SLC26A7: variants seen among roughly 807,000 people sequenced by gnomAD.
SLC26A7 encodes the protein anion exchange transporter.
Under a neutral mutation model 82.5 loss-of-function variants are expected in SLC26A7, and 59 were observed. The observed-to-expected ratio is 0.72, with a 90% confidence interval of 0.58 to 0.89. The LOEUF (loss-of-function observed/expected upper bound fraction) is 0.89. Ranked by LOEUF, SLC26A7 falls within the 40% of genes least tolerant of loss-of-function variation. SLC26A7 has a pLI of 0.00. For missense variants in SLC26A7, 820 were observed against 793.0 expected, an observed-to-expected ratio of 1.03 and a Z score of -0.41; for synonymous variants, 271 against 274.3, an observed-to-expected ratio of 0.99 and a Z score of 0.12.
chr8:91,310,637 G>C (rs1367833026), intron 4 of SLC26A7, among the ~76,000 whole-genome samples: 1 of 152,182 alleles, frequency 6.6e-6, no homozygotes, highest in Non-Finnish European at 1.5e-5. Flanking sequence ...CAAAATGGCA[G>C]AGTTTAACTG....
rs201042056 is a variant in SLC26A7 at position 91,295,565 on chromosome 8, C to T, written c.339C>T (p.Asn113=). 155 of 1,613,748 alleles carry T rather than the reference C, an allele frequency of 9.6e-5. No homozygotes were observed. In the South Asian group the frequency reaches 1.0e-3, roughly 10 times the overall value. ...CCTTGACATCCTTAATATCAGCCAA[C>T]GCCGTGGAACGGATTGTCCCTCAGA... ...TFALTSLISA[N]AVERIVPQNM... Residue 113 remains asparagine (N), a synonymous_variant, in exon 4 of 19, where the codon AAC becomes AAT. Transcript: ENST00000276609.
chr8:91,270,383 C>T (rs986618630), intron 2 of SLC26A7, among the ~76,000 whole-genome samples: 2 of 152,162 alleles, frequency 1.3e-5, no homozygotes, highest in African/African-American at 2.4e-5. Flanking sequence ...GGAAAATTTA[C>T]TGTGATCATT....
intron 2 of SLC26A7, among the ~76,000 whole-genome samples, chr8:91,236,215 C>G (rs969025655): frequency 2.0e-5 from 3 of 152,114 alleles, no homozygotes; most frequent in Non-Finnish European, 4.4e-5. Flanking sequence ...ATAGAAACCT[C>G]TAACCTAAAT....
chr8:91,315,955 G>A (rs1162529571), intron 4 of SLC26A7, among the ~76,000 whole-genome samples: 1 of 152,106 alleles, frequency 6.6e-6, no homozygotes, highest in Non-Finnish European at 1.5e-5. Context: ...TGATAATGAG[G>A]CTTGGAGAAT....
rs1563697238 is a variant in SLC26A7 at position 91,358,051 on chromosome 8, C to T, written c.1315-4302C>T. On this transcript the variant is annotated intron_variant, in intron 11 of 18. Coordinates refer to ENST00000276609, the MANE Select transcript of SLC26A7 (RefSeq NM_052832.4). Reference sequence around the variant, plus strand: ...CCATCAGAGAAATACAAATCAAAACCACAATGAGATATCATCTCCCACCAG... The same window carrying T: ...CCATCAGAGAAATACAAATCAAAACTACAATGAGATATCATCTCCCACCAG... Among the ~76,000 whole-genome samples, 4 of 152,136 alleles carry T rather than the reference C, an allele frequency of 2.6e-5. No homozygotes were observed. In the South Asian group the frequency reaches 6.2e-4, roughly 24 times the overall value.
At chr8:91,324,164 T>C (rs1812872480) in intron 5 of SLC26A7, among the ~76,000 whole-genome samples, 1 of 152,132 alleles carries the variant, frequency 6.6e-6, no homozygotes, top group African/African-American at 2.4e-5. Context: ...TTCACTACTG[T>C]AGAGGGAGGT....
intron 16 of SLC26A7, among the ~76,000 whole-genome samples, chr8:91,391,789 G>A (rs916575518): frequency 3.3e-5 from 5 of 151,432 alleles, no homozygotes; most frequent in African/African-American, 9.7e-5. Flanking sequence ...ATCCTATTTT[G>A]AGAAACACTA....
chr8:91,293,915 A>G (rs949043527), intron 3 of SLC26A7, among the ~76,000 whole-genome samples: 2 of 152,186 alleles, frequency 1.3e-5, no homozygotes, highest in African/African-American at 2.4e-5. Flanking sequence ...ACCAGATTCT[A>G]TGGTGAATAT....
intron 2 of SLC26A7, among the ~76,000 whole-genome samples, chr8:91,281,029 T>TA (rs1811557874): frequency 6.6e-6 from 1 of 152,222 alleles, no homozygotes; most frequent in Admixed American, 6.5e-5. Flanking sequence ...CACCTAAAAG[T>TA]AAACCTCATC....
At chr8:91,378,722 A>C (rs989715947) in intron 15 of SLC26A7, among the ~76,000 whole-genome samples, 1 of 151,794 alleles carries the variant, frequency 6.6e-6, no homozygotes, top group East Asian at 1.9e-4. Context: ...GTCATTATAC[A>C]AGTTTCAACA....
intron 8 of SLC26A7, among the ~76,000 whole-genome samples, chr8:91,342,107 T>G (rs1258834536): frequency 2.0e-5 from 3 of 151,510 alleles, no homozygotes; most frequent in Non-Finnish European, 4.4e-5. Context: ...TTTTTTTTCA[T>G]TTTTTAAACA....
intron 15 of SLC26A7, among the ~76,000 whole-genome samples, chr8:91,373,258 A>G (rs897936959): frequency 6.6e-6 from 1 of 151,910 alleles, no homozygotes; most frequent in Non-Finnish European, 1.5e-5. Flanking sequence ...TTCCAGTACT[A>G]TGTTGAATAG....
intron 2 of SLC26A7, among the ~76,000 whole-genome samples, chr8:91,224,137 CATT>C (rs1184040952): frequency 1.3e-5 from 2 of 152,086 alleles, no homozygotes; most frequent in Non-Finnish European, 2.9e-5. Context: ...TTGTTTAGCT[CATT>C]GTTGTTTTTT....
chr8:91,369,171 T>G (rs1476889771), intron 14 of SLC26A7, among the ~76,000 whole-genome samples: 3 of 152,194 alleles, frequency 2.0e-5, no homozygotes, highest in Non-Finnish European at 4.4e-5. Flanking sequence ...AAAAATAAAA[T>G]TTATAACTTC....
chr8:91,363,007 C>G (rs1459629812), intron 12 of SLC26A7, among the ~76,000 whole-genome samples: 1 of 152,000 alleles, frequency 6.6e-6, no homozygotes, highest in African/African-American at 2.4e-5. Context: ...TTTCTATTTA[C>G]TTCACATCCA....
At chr8:91,343,269 C>A in intron 8 of SLC26A7, 84 bp from the exon 9 acceptor site, 1 of 826,096 alleles carries the variant, frequency 1.2e-6, no homozygotes, top group Non-Finnish European at 1.9e-6. Context: ...TACAAACAAG[C>A]CTCATTATGT....
At chr8:91,387,314 T>G (rs1377313571) in intron 15 of SLC26A7, among the ~76,000 whole-genome samples, 1 of 152,230 alleles carries the variant, frequency 6.6e-6, no homozygotes, top group Non-Finnish European at 1.5e-5. Context: ...AGGCAAATAA[T>G]GAATGATAGT....
At chr8:91,242,853 C>T (rs780565670) in intron 2 of SLC26A7, among the ~76,000 whole-genome samples, 2 of 152,056 alleles carry the variant, frequency 1.3e-5, no homozygotes, top group Non-Finnish European at 2.9e-5. Context: ...GAATAGCTAA[C>T]ATTATAAGTG....
intron 1 of SLC26A7, among the ~76,000 whole-genome samples, chr8:91,209,714 T>C (rs969864513): frequency 6.6e-6 from 1 of 152,184 alleles, no homozygotes; most frequent in African/African-American, 2.4e-5. Context: ...GATTAGGTAC[T>C]GCTACTTTAA....
Sources: allele counts gnomAD v4.1 joint callset (sites outside exome capture counted in the v4.1 genomes callset), GRCh38; gene constraint gnomAD v4.1.1; transcripts MANE v1.5; gene names NCBI Gene and HGNC (gene_info 2026-07-23, HGNC 2026-07-21).